CAMK1D: variants seen among roughly 807,000 people sequenced by gnomAD.
CAMK1D encodes calcium/calmodulin dependent protein kinase ID.
A neutral mutation model predicts 47.7 loss-of-function variants in CAMK1D; 9 were observed. The observed-to-expected ratio is 0.19, with a 90% CI of 0.11 to 0.33. The LOEUF is 0.33. Ranked by LOEUF, CAMK1D falls within the 10% of genes least tolerant of loss-of-function variation. CAMK1D has a pLI of 1.00. For missense variants in CAMK1D, 291 were observed against 488.7 expected (o/e 0.60, Z 3.81); for synonymous variants, 184 against 184.9 (o/e 0.99, Z 0.04).
chr10:12,577,373 A>G (rs1012039014), intron 2 of CAMK1D, among the ~76,000 whole-genome samples: 6 of 152,166 alleles, frequency 3.9e-5, no homozygotes, highest in Non-Finnish European at 8.8e-5. Context: ...CTCTCCCTCT[A>G]GGCCTCCAGC....
At chr10:12,378,041 C>G (rs1838233068) in intron 1 of CAMK1D, among the ~76,000 whole-genome samples, 1 of 152,198 alleles carries the variant, frequency 6.6e-6, no homozygotes, top group Non-Finnish European at 1.5e-5. Flanking sequence ...GGCATGCGGC[C>G]CAGCTCACAG....
chr10:12,614,088 G>C (rs1838711248), intron 2 of CAMK1D, among the ~76,000 whole-genome samples: 2 of 152,144 alleles, frequency 1.3e-5, no homozygotes, highest in East Asian at 1.9e-4. Flanking sequence ...GATGTTAAAA[G>C]AGCCAGACTG....
intron 1 of CAMK1D, among the ~76,000 whole-genome samples, chr10:12,381,659 C>T (rs1054488458): frequency 1.3e-5 from 2 of 152,166 alleles, no homozygotes; most frequent in African/African-American, 4.8e-5. Context: ...ACAGTGCAAG[C>T]TGCTGAGAAT....
rs1434300483 is a variant in CAMK1D at position 12,762,838 on chromosome 10, C to T, written c.438+1752C>T. On this transcript the variant is annotated intron_variant, in intron 4 of 10. Coordinates refer to ENST00000619168, the MANE Select transcript of CAMK1D (RefSeq NM_153498.4). ...CGACCTGGCACCTCTGCCAGGCCTCCGGGCCTTCTCTGCTCTCTTGTGCCC... is the reference window on the plus strand; with the variant it reads ...CGACCTGGCACCTCTGCCAGGCCTCTGGGCCTTCTCTGCTCTCTTGTGCCC... Among the ~76,000 whole-genome samples, 4 of 152,168 alleles carry T rather than the reference C, an allele frequency of 2.6e-5. No homozygotes were observed. In the East Asian group the frequency reaches 5.8e-4, roughly 22 times the overall value.
At chr10:12,528,116 A>G (rs1421168880) in intron 1 of CAMK1D, among the ~76,000 whole-genome samples, 1 of 152,230 alleles carries the variant, frequency 6.6e-6, no homozygotes, top group Non-Finnish European at 1.5e-5. Context: ...TGTTAGTCCC[A>G]TTTTAGAGAT....
chr10:12,792,003 A>G (rs1025537610), intron 6 of CAMK1D, among the ~76,000 whole-genome samples: 1 of 152,196 alleles, frequency 6.6e-6, no homozygotes, highest in Non-Finnish European at 1.5e-5. Flanking sequence ...TTTTTCAATA[A>G]TAGCCCTCTA....
chr10:12,412,462 A>AG (rs1057183314), intron 1 of CAMK1D, among the ~76,000 whole-genome samples: 1 of 149,810 alleles, frequency 6.7e-6, no homozygotes, highest in Non-Finnish European at 1.5e-5. Context: ...ATACAAAAAA[A>AG]AAAAAAAAAA....
chr10:12,672,901 T>TTTTTTTTTTG (rs1554807923), intron 3 of CAMK1D, among the ~76,000 whole-genome samples: 2 of 147,064 alleles, frequency 1.4e-5, no homozygotes, highest in East Asian at 4.0e-4. Context: ...CTTGCCTTTT[T>TTTTTTTTTTG]TTTTTTTTTT....
At chr10:12,747,272 C>T (rs925740020) in intron 3 of CAMK1D, among the ~76,000 whole-genome samples, 1 of 152,066 alleles carries the variant, frequency 6.6e-6, no homozygotes, top group Non-Finnish European at 1.5e-5. Flanking sequence ...CCTCATGTTC[C>T]ACCCGCCTCA....
At chr10:12,736,237 G>C (rs984143554) in intron 3 of CAMK1D, among the ~76,000 whole-genome samples, 1 of 152,148 alleles carries the variant, frequency 6.6e-6, no homozygotes, top group Non-Finnish European at 1.5e-5. Flanking sequence ...AACTTCTCCT[G>C]TTCTCTGTTA....
chr10:12,825,534 T>C (rs1468775638), intron 9 of CAMK1D, 39 bp from the exon 10 acceptor site: 3 of 1,594,092 alleles, frequency 1.9e-6, no homozygotes, highest in African/African-American at 2.7e-5. Flanking sequence ...TCCGATTAGC[T>C]GAAATATTTG....
At chr10:12,546,301 G>A (rs10795960) in intron 1 of CAMK1D, among the ~76,000 whole-genome samples, 80,338 of 151,866 alleles carry the variant, frequency 0.53, 21,386 homozygotes, top group African/African-American at 0.56. Flanking sequence ...AGGGATGGAG[G>A]AGCGGGCGGG....
At position 12,755,618 on chromosome 10, in the gene CAMK1D, A is replaced by C. The variant is rs557272500; in HGVS notation, c.300-5330A>C. Among the ~76,000 whole-genome samples the C allele has an allele frequency of 9.6e-4, 146 of 152,264 alleles. 1 individual carries two copies. The highest frequency in any genetic ancestry group is 8.3e-3 in the Admixed American group (127 of 15,278). ...GTTGAACTAGTTTACAGTCCCACCA[A>C]CAGTGTAAAAGTGTTCCTATTTCTC... is the stretch of plus-strand genomic sequence containing the variant. On this transcript the variant is annotated intron_variant, in intron 3 of 10. Coordinates refer to ENST00000619168, the MANE Select transcript of CAMK1D (RefSeq NM_153498.4).
At chr10:12,588,435 T>C (rs1398379766) in intron 2 of CAMK1D, among the ~76,000 whole-genome samples, 8 of 152,190 alleles carry the variant, frequency 5.3e-5, no homozygotes, top group Admixed American at 4.6e-4. Flanking sequence ...AGAGAAACCG[T>C]GCTCTCAATA....
chr10:12,393,198 A>AT (rs1226280570), intron 1 of CAMK1D, among the ~76,000 whole-genome samples: 1 of 151,772 alleles, frequency 6.6e-6, no homozygotes, highest in East Asian at 1.9e-4. Context: ...TGCCTGGCTA[A>AT]TTTTTTGTAT....
intron 5 of CAMK1D, among the ~76,000 whole-genome samples, chr10:12,788,249 G>C (rs1398505568): frequency 6.6e-6 from 1 of 152,144 alleles, no homozygotes; most frequent in Non-Finnish European, 1.5e-5. Flanking sequence ...GGAGTGCAAT[G>C]GCGTGATCAT....
At chr10:12,772,146 T>C (rs1302465626) in intron 5 of CAMK1D, among the ~76,000 whole-genome samples, 1 of 152,080 alleles carries the variant, frequency 6.6e-6, no homozygotes, top group Non-Finnish European at 1.5e-5. Context: ...GGTCCCTGCC[T>C]GGGGGACATG....
At chr10:12,588,606 A>G (rs1837891114) in intron 2 of CAMK1D, among the ~76,000 whole-genome samples, 1 of 151,818 alleles carries the variant, frequency 6.6e-6, no homozygotes, top group Non-Finnish European at 1.5e-5. Flanking sequence ...CTGCCCCACC[A>G]CCTGCACCTG....
rs545540616 is a variant in CAMK1D at position 12,444,427 on chromosome 10, T to C, written c.92+94517T>C. 4.7e-4 allele frequency among the ~76,000 whole-genome samples: 71 copies of C among 152,238 alleles called. 1 individual carries two copies. The South Asian group carries it at 0.015, about 32-fold the overall frequency. ...GAAAAGAGTCAAACTCTGTAAAATA[T>C]TTAAGGAGGTTTCTTCTGAGCCAAA... On this transcript the variant is annotated intron_variant, in intron 1 of 10. Coordinates refer to ENST00000619168, the MANE Select transcript of CAMK1D (RefSeq NM_153498.4).
Sources: allele counts gnomAD v4.1 joint callset (sites outside exome capture counted in the v4.1 genomes callset), GRCh38; gene constraint gnomAD v4.1.1; transcripts MANE v1.5; gene names NCBI Gene and HGNC (gene_info 2026-07-23, HGNC 2026-07-21).